The following FOXN4 variants were observed in gnomAD, a reference collection of about 807,000 sequenced individuals.
FOXN4 encodes forkhead box N4, also known as forkhead box protein N4.
In FOXN4, 12 loss-of-function variants were observed where a neutral mutation model predicts 45.0. The ratio of observed to expected loss-of-function variants is 0.27; its 90% CI spans 0.17 to 0.43. The LOEUF is 0.43. Ranked by LOEUF, FOXN4 falls within the 20% of genes least tolerant of loss-of-function variation. The pLI, the probability that FOXN4 is intolerant of heterozygous loss-of-function variation, is 1.00. For synonymous variants in FOXN4, 297 were observed against 295.0 expected (o/e 1.01, Z -0.07); for missense variants, 560 against 694.9 (o/e 0.81, Z 2.18).
rs1181586152 is a variant in FOXN4 at position 109,278,568 on chromosome 12, C to T, written c.*1103G>A. ...TATCATGCGTTGAAGTTTTGTCCACCACTTGCCACGTGGTTCGAGCTTTAC... is the reference window on the plus strand; with the variant it reads ...TATCATGCGTTGAAGTTTTGTCCACTACTTGCCACGTGGTTCGAGCTTTAC... On this transcript the variant is annotated 3_prime_UTR_variant, in exon 10 of 10. Coordinates refer to ENST00000299162, the MANE Select transcript of FOXN4 (RefSeq NM_213596.3). 6.6e-6 allele frequency: 1 copy of T among 152,128 alleles called. No individual in the cohort carries two copies. The highest frequency in any genetic ancestry group is 6.6e-5 in the Admixed American group (1 of 15,266). The allele number at this position is 152,128 out of a possible 1,614,324, so 9.4% of individuals were successfully genotyped here.
At chr12:109,282,889 C>T (rs1192406544) in intron 8 of FOXN4, among the ~76,000 whole-genome samples, 2 of 151,384 alleles carry the variant, frequency 1.3e-5, no homozygotes, top group African/African-American at 2.4e-5. Context: ...GACTTCACTC[C>T]GAATATGTGT....
chr12:109,302,677 TTC>T (rs1238560832), intron 2 of FOXN4, among the ~76,000 whole-genome samples: 1 of 152,122 alleles, frequency 6.6e-6, no homozygotes, highest in Admixed American at 6.5e-5. Context: ...TCCCACTTCA[TTC>T]TCTCCTCTGC....
At chr12:109,295,965 A>T (rs1593781332) in intron 2 of FOXN4, among the ~76,000 whole-genome samples, 1 of 152,244 alleles carries the variant, frequency 6.6e-6, no homozygotes, top group East Asian at 1.9e-4. Context: ...CCTGAGCCTC[A>T]GTTTCCTCAT....
Position 109,291,769 on chromosome 12 carries a change from G to C in FOXN4, c.87-1483C>G, listed in dbSNP as rs537111605. On this transcript the variant is annotated intron_variant, in intron 2 of 9. Transcript: ENST00000299162. This position sits in a 1 kb window ranked among gnomAD's most constrained non-coding sequence, Gnocchi z 6.6. ...TCATAGGGAAACAGGGCCTGGAAACGATTTGAAAACGCGGCCGGCCGGCCG... is the reference window on the plus strand; with the variant it reads ...TCATAGGGAAACAGGGCCTGGAAACCATTTGAAAACGCGGCCGGCCGGCCG... 6.6e-6 allele frequency among the ~76,000 whole-genome samples: 1 copy of C among 152,078 alleles called. No individual in the cohort carries two copies. Among genetic ancestry groups the C allele is most frequent in the Non-Finnish European group, 1.5e-5 (1 of 68,002 alleles).
At chr12:109,306,188 T>C (rs1423204722) in intron 2 of FOXN4, among the ~76,000 whole-genome samples, 1 of 152,184 alleles carries the variant, frequency 6.6e-6, no homozygotes, top group Non-Finnish European at 1.5e-5. Flanking sequence ...GACTCTCTAA[T>C]GTAACTAAGT....
At chr12:109,308,779 C>T (rs1715347366) in intron 1 of FOXN4, among the ~76,000 whole-genome samples, 2 of 152,098 alleles carry the variant, frequency 1.3e-5, no homozygotes, top group South Asian at 2.1e-4. Flanking sequence ...GGGAATAATC[C>T]CCGCAAGCTC....
At chr12:109,281,235 T>C (rs529569027) in intron 9 of FOXN4, among the ~76,000 whole-genome samples, 172 bp downstream of exon 9, 2 of 152,326 alleles carry the variant, frequency 1.3e-5, no homozygotes, top group Admixed American at 1.3e-4. Flanking sequence ...TTTTTGGATT[T>C]TGGAGCATTT....
intron 7 of FOXN4, 88 bp downstream of exon 7, chr12:109,286,559 AG>A: frequency 7.8e-7 from 1 of 1,284,200 alleles, no homozygotes; most frequent in South Asian, 1.3e-5. Flanking sequence ...GGAACCAAAG[AG>A]GGTTGGCCCA....
At chr12:109,303,177 T>C (rs2136946274) in intron 2 of FOXN4, among the ~76,000 whole-genome samples, 1 of 151,662 alleles carries the variant, frequency 6.6e-6, no homozygotes, top group African/African-American at 2.4e-5. Flanking sequence ...TGGGAAAGAG[T>C]CGGACCACAG....
At chr12:109,304,510 A>G (rs1269524628) in intron 2 of FOXN4, among the ~76,000 whole-genome samples, 4 of 152,174 alleles carry the variant, frequency 2.6e-5, no homozygotes, top group Non-Finnish European at 4.4e-5. Context: ...ACCGTTGCCC[A>G]AGAGGTCAGG....
chr12:109,296,132 G>C (rs1397526078), intron 2 of FOXN4, among the ~76,000 whole-genome samples: 1 of 152,206 alleles, frequency 6.6e-6, no homozygotes, highest in African/African-American at 2.4e-5. Context: ...CCCCTGCATG[G>C]TACCAGCCCT....
chr12:109,279,986 C>T lies in FOXN4; in HGVS notation c.1295-56G>A, dbSNP rs921486379. On this transcript the variant is annotated intron_variant, in intron 9 of 9. Transcript: ENST00000299162. ...GGCTTCCCATCAAATGACCTGAGTT[C>T]GAATCCCCCATCTTAGGGAAGAGGC... 15 of 1,603,140 alleles carry T rather than the reference C, an allele frequency of 9.4e-6. No individual in the cohort carries two copies. The East Asian group carries it at 1.6e-4, about 17-fold the overall frequency.
intron 7 of FOXN4, among the ~76,000 whole-genome samples, chr12:109,285,923 TGGTATGA>T (rs1342582716): frequency 1.1e-4 from 16 of 150,124 alleles, no homozygotes; most frequent in Admixed American, 6.0e-4. Context: ...TGGAGTACAG[TGGTATGA>T]TCACGGCTCA....
intron 2 of FOXN4, among the ~76,000 whole-genome samples, chr12:109,292,262 G>C (rs1431341993): frequency 1.3e-5 from 2 of 152,192 alleles, no homozygotes; most frequent in African/African-American, 4.8e-5. Context: ...GTGGAGATGG[G>C]TCCCTGCTGG....
At chr12:109,296,663 G>A (rs2047820411) in intron 2 of FOXN4, among the ~76,000 whole-genome samples, 1 of 152,168 alleles carries the variant, frequency 6.6e-6, no homozygotes, top group African/African-American at 2.4e-5. Context: ...AGCCCCCAGA[G>A]ACCCTGATGC....
rs1050893203 is a variant in FOXN4 at position 109,291,609 on chromosome 12, C to T, written c.87-1323G>A. On this transcript the variant is annotated intron_variant, in intron 2 of 9. Coordinates refer to ENST00000299162, the MANE Select transcript of FOXN4 (RefSeq NM_213596.3). This position sits in a 1 kb window ranked among gnomAD's most constrained non-coding sequence, Gnocchi z 6.6. ...CCCTGTCTCTCTCTCTGCTCCTCCC[C>T]ATCTCTCCCCTCTTGTGTTTTAGGG... is the stretch of plus-strand genomic sequence containing the variant. Among the ~76,000 whole-genome samples, 1 of 151,970 alleles carries T rather than the reference C, an allele frequency of 6.6e-6. No homozygotes were observed. The highest frequency in any genetic ancestry group is 1.5e-5 in the Non-Finnish European group (1 of 67,998).
At chr12:109,286,624 C>A (rs1280295457) in intron 7 of FOXN4, 24 bp downstream of exon 7, 1 of 1,590,380 alleles carries the variant, frequency 6.3e-7, no homozygotes, top group Non-Finnish European at 8.5e-7. Flanking sequence ...AGCTCCAGCA[C>A]CCCTACCCTA....
intron 8 of FOXN4, among the ~76,000 whole-genome samples, chr12:109,283,475 C>CTTT (rs5800847): frequency 7.7e-6 from 1 of 129,696 alleles, no homozygotes; most frequent in Non-Finnish European, 1.6e-5. Context: ...TGTTTGAGAA[C>CTTT]TTTTTTTTTT....
chr12:109,282,582 G>T (rs944459232), intron 8 of FOXN4, among the ~76,000 whole-genome samples: 2 of 152,124 alleles, frequency 1.3e-5, no homozygotes, highest in African/African-American at 4.8e-5. Flanking sequence ...AGGTAAGGCC[G>T]CGATTACAAA....
Sources: allele counts gnomAD v4.1 joint callset (sites outside exome capture counted in the v4.1 genomes callset), GRCh38; gene constraint gnomAD v4.1.1; non-coding constraint Gnocchi (gnomAD v3.1); transcripts MANE v1.5; gene names NCBI Gene and HGNC (gene_info 2026-07-23, HGNC 2026-07-21).